Variants in OLFML2B observed in about 807,000 individuals in gnomAD.
The protein encoded by OLFML2B is olfactomedin like 2B, also known as olfactomedin-like protein 2B.
Under a neutral mutation model 74.9 loss-of-function variants are expected in OLFML2B, and 57 were observed. The observed-to-expected ratio is 0.76, with a 90% CI of 0.61 to 0.95. The LOEUF is 0.95. Among genes scored for constraint, OLFML2B ranks in the 40% least tolerant of loss-of-function variants. The probability of loss-of-function intolerance (pLI) is 0.00; values close to 1 mark genes in which losing one functional copy is unlikely to be tolerated. For synonymous variants in OLFML2B, 388 were observed against 405.8 expected, an observed-to-expected ratio of 0.96 and a Z score of 0.53; for missense variants, 986 against 970.6, an observed-to-expected ratio of 1.02 and a Z score of -0.21.
At chr1:161,986,427 TG>T (rs1689594602) in intron 6 of OLFML2B, among the ~76,000 whole-genome samples, 1 of 152,142 alleles carries the variant, frequency 6.6e-6, no homozygotes, top group Non-Finnish European at 1.5e-5. Flanking sequence ...CTGGGGCAGC[TG>T]GGGATGGAAG....
At position 161,984,957 on chromosome 1, in the gene OLFML2B, TG is replaced by T; in HGVS notation, c.1497del (p.Thr500GlnfsTer19). The T allele has an allele frequency of 6.2e-7, 1 of 1,610,612 alleles. No individual in the cohort carries two copies. Among genetic ancestry groups the T allele is most frequent in the East Asian group, 2.2e-5 (1 of 44,786 alleles). ...TTCTGGGTGGTCGGCCCCGTGATTG[TG>T]GAGAGAGTGTCCTTGCACCTTCCTG... is the stretch of plus-strand genomic sequence containing the variant. ...NVIGRCKDTL[S>X]TITGPTTQNT... On this transcript the variant is annotated frameshift_variant, in exon 7 of 8. Coordinates refer to ENST00000294794, the MANE Select transcript of OLFML2B (RefSeq NM_015441.3). LOFTEE classifies it high-confidence loss of function.
chr1:162,019,060 A>G (rs142286364), intron 2 of OLFML2B, among the ~76,000 whole-genome samples: 110 of 152,194 alleles, frequency 7.2e-4, no homozygotes, highest in African/African-American at 2.5e-3. Context: ...TACTCCTGAT[A>G]TTGGTAAACA....
intron 3 of OLFML2B, among the ~76,000 whole-genome samples, chr1:162,013,988 C>G (rs1486477554): frequency 6.6e-6 from 1 of 151,352 alleles, no homozygotes; most frequent in Non-Finnish European, 1.5e-5. Context: ...AAAACTATTA[C>G]ATTTAGGGAT....
At chr1:162,015,183 C>A (rs1488830675) in intron 3 of OLFML2B, among the ~76,000 whole-genome samples, 1 of 152,178 alleles carries the variant, frequency 6.6e-6, no homozygotes, top group Non-Finnish European at 1.5e-5. Flanking sequence ...ACAGCTTTGG[C>A]AAGCAGATAC....
chr1:161,998,280 C>A lies in OLFML2B; in HGVS notation c.1019G>T (p.Gly340Val). The A allele has an allele frequency of 6.2e-7, 1 of 1,602,260 alleles. No homozygotes were observed. The highest frequency in any genetic ancestry group is 1.1e-5 in the South Asian group (1 of 90,544). Residue 340 changes from glycine to valine, a missense_variant, in exon 6 of 8, where the codon GGC becomes GTC. By Grantham distance (109) the Gly-to-Val change is moderately radical (BLOSUM62 -3). Transcript: ENST00000294794. Reference protein sequence around the residue: ...LIEDQLLRHNGLMTSVTRRPA... With the variant: ...LIEDQLLRHNVLMTSVTRRPA... Reference sequence around the variant, plus strand: ...CCTCCGGGTGACACTGGTCATCAGGCCGTTGTGTCTCAGGAGCTGATCTTC... The same window carrying A: ...CCTCCGGGTGACACTGGTCATCAGGACGTTGTGTCTCAGGAGCTGATCTTC...
rs12407643 is a variant in OLFML2B at position 161,983,612 on chromosome 1, G to A, written c.*63C>T. ...CATACCCACCTACACACACGTGCGC[G>A]CACACACATACACACAAGGTGCTAG... On this transcript the variant is annotated 3_prime_UTR_variant, in exon 8 of 8. Transcript: ENST00000294794. The A allele has an allele frequency of 0.021, 31,715 of 1,530,286 alleles. 1,989 individuals are homozygous for A. In the East Asian group the frequency reaches 0.22, roughly 10 times the overall value. The allele number at this position is 1,530,286 out of a possible 1,614,324, so 94.8% of individuals were successfully genotyped here.
intron 3 of OLFML2B, among the ~76,000 whole-genome samples, chr1:162,007,137 G>A (rs1690257824): frequency 6.6e-6 from 1 of 152,206 alleles, no homozygotes; most frequent in African/African-American, 2.4e-5. Context: ...AGAAGATCAA[G>A]GCTACATTTC....
intron 7 of OLFML2B, 122 bp downstream of exon 7, chr1:161,984,682 G>T: frequency 3.9e-6 from 4 of 1,024,736 alleles, no homozygotes; most frequent in Non-Finnish European, 5.9e-6. Context: ...AGGTCCTTTA[G>T]CCATCAGAAG....
At chr1:162,005,744 T>TA (rs879265190) in intron 4 of OLFML2B, among the ~76,000 whole-genome samples, 38 of 151,766 alleles carry the variant, frequency 2.5e-4, no homozygotes, top group South Asian at 1.9e-3. Flanking sequence ...TTACAAAAAA[T>TA]AAAAAAATTT....
intron 6 of OLFML2B, among the ~76,000 whole-genome samples, chr1:161,996,336 C>A (rs1359012335): frequency 1.3e-5 from 2 of 152,152 alleles, no homozygotes; most frequent in Non-Finnish European, 1.5e-5. Flanking sequence ...CTGCGGAAAA[C>A]CATAGCATAT....
chr1:162,021,524 G>T lies in OLFML2B; in HGVS notation c.175-1342C>A, dbSNP rs951328888. Among the ~76,000 whole-genome samples, 16 of 152,336 alleles carry T rather than the reference G, an allele frequency of 1.1e-4. No individual in the cohort carries two copies. In the East Asian group the frequency reaches 3.1e-3, roughly 29 times the overall value. Reference sequence around the variant, plus strand: ...CTTCATTTGATTAATGATTTCAGTGGGCAAGCATTGAGCTTGTTTGAGTAG... The same window carrying T: ...CTTCATTTGATTAATGATTTCAGTGTGCAAGCATTGAGCTTGTTTGAGTAG... On this transcript the variant is annotated intron_variant, in intron 1 of 7. Coordinates refer to ENST00000294794, the MANE Select transcript of OLFML2B (RefSeq NM_015441.3).
At chr1:162,013,754 C>T (rs1690456558) in intron 3 of OLFML2B, among the ~76,000 whole-genome samples, 1 of 151,996 alleles carries the variant, frequency 6.6e-6, no homozygotes, top group South Asian at 2.1e-4. Context: ...AATCCACATA[C>T]CCATCATCAG....
intron 6 of OLFML2B, among the ~76,000 whole-genome samples, chr1:161,990,393 C>T (rs966721748): frequency 5.3e-5 from 8 of 152,336 alleles, no homozygotes; most frequent in African/African-American, 1.9e-4. Context: ...TTCCAGACCA[C>T]TGTAATAAAG....
intron 6 of OLFML2B, among the ~76,000 whole-genome samples, chr1:161,993,564 CCTCT>C (rs1168354719): frequency 6.6e-6 from 1 of 152,148 alleles, no homozygotes; most frequent in Non-Finnish European, 1.5e-5. Context: ...TGCTTAGAGC[CCTCT>C]CTATCTCTTT....
At chr1:162,017,611 G>T in intron 2 of OLFML2B, 104 bp from the exon 3 acceptor site, 2 of 757,428 alleles carry the variant, frequency 2.6e-6, no homozygotes, top group Non-Finnish European at 4.3e-6. Flanking sequence ...AAAGCCACTA[G>T]CCAGGAATTG....
In OLFML2B at chr1:161,984,285, G is replaced by A. The variant is rs1456575794; in HGVS notation, c.1652-9C>T. The A allele has an allele frequency of 2.0e-6, 3 of 1,517,654 alleles. No individual in the cohort carries two copies. The highest frequency in any genetic ancestry group is 2.6e-6 in the Non-Finnish European group (3 of 1,133,876). 94.0% of individuals were successfully genotyped at this position (1,517,654 alleles called of 1,614,324 possible). ...GGAATTGCTCCAGCGACCTGCAGGTGGGGAGAAAACAGGAGGCTTCAGAGT... is the reference window on the plus strand; with the variant it reads ...GGAATTGCTCCAGCGACCTGCAGGTAGGGAGAAAACAGGAGGCTTCAGAGT... On this transcript the variant is annotated splice_polypyrimidine_tract_variant and intron_variant, in intron 7 of 7. Coordinates refer to ENST00000294794, the MANE Select transcript of OLFML2B (RefSeq NM_015441.3).
chr1:162,010,089 G>T (rs1571305258), intron 3 of OLFML2B, among the ~76,000 whole-genome samples: 1 of 152,252 alleles, frequency 6.6e-6, no homozygotes, highest in African/African-American at 2.4e-5. Context: ...CATGGCCCCT[G>T]CCAAGGATCC....
intron 3 of OLFML2B, among the ~76,000 whole-genome samples, chr1:162,012,098 A>G (rs1690407066): frequency 6.6e-6 from 1 of 152,224 alleles, no homozygotes; most frequent in South Asian, 2.1e-4. Context: ...TTTCACGTAT[A>G]AGGACACTGA....
At chr1:162,022,041 T>G (rs1428660874) in intron 1 of OLFML2B, among the ~76,000 whole-genome samples, 6 of 152,080 alleles carry the variant, frequency 3.9e-5, no homozygotes, top group Non-Finnish European at 7.4e-5. Flanking sequence ...GTCCTAGGGC[T>G]TGGTGGAGGT....
Sources: allele counts gnomAD v4.1 joint callset (sites outside exome capture counted in the v4.1 genomes callset), GRCh38; gene constraint gnomAD v4.1.1; transcripts MANE v1.5; gene names NCBI Gene and HGNC (gene_info 2026-07-23, HGNC 2026-07-21).